BBX: variants seen among roughly 807,000 people sequenced by gnomAD.
BBX encodes the protein BBX high mobility group box domain containing.
In BBX, 30 loss-of-function variants were observed where a neutral mutation model predicts 100.2. The ratio of observed to expected loss-of-function variants is 0.30; its 90% CI spans 0.22 to 0.41. The LOEUF (loss-of-function observed/expected upper bound fraction) is 0.41. BBX is among the 10% of genes least tolerant of loss of function. The pLI, the probability that BBX is intolerant of heterozygous loss-of-function variation, is 1.00. For missense variants in BBX, 1,023 were observed against 1,129.8 expected, an observed-to-expected ratio of 0.91 and a Z score of 1.35; for synonymous variants, 376 against 388.1, an observed-to-expected ratio of 0.97 and a Z score of 0.37.
At chr3:107,564,635 G>C (rs893410599) in intron 2 of BBX, among the ~76,000 whole-genome samples, 1 of 152,066 alleles carries the variant, frequency 6.6e-6, no homozygotes, top group African/African-American at 2.4e-5. Context: ...TCTAGTGGGC[G>C]TTTTCTCTTA....
intron 3 of BBX, among the ~76,000 whole-genome samples, chr3:107,669,101 C>CGAT (rs752279294): frequency 2.6e-4 from 39 of 151,696 alleles, no homozygotes; most frequent in South Asian, 4.2e-4. Context: ...AAGAGGCTAG[C>CGAT]GATGATGATG....
At chr3:107,666,617 G>A (rs1041336044) in intron 3 of BBX, among the ~76,000 whole-genome samples, 19 of 152,322 alleles carry the variant, frequency 1.2e-4, no homozygotes, top group African/African-American at 4.3e-4. Flanking sequence ...GCAGACTGGA[G>A]TGCAGTGGCG....
At chr3:107,760,094 A>G (rs185484101) in intron 10 of BBX, among the ~76,000 whole-genome samples, 1 of 152,338 alleles carries the variant, frequency 6.6e-6, no homozygotes. Flanking sequence ...ACCAAAAGCT[A>G]TAGAAGTTAT....
intron 7 of BBX, among the ~76,000 whole-genome samples, chr3:107,734,471 TA>T (rs1253388762): frequency 6.6e-6 from 1 of 152,192 alleles, no homozygotes; most frequent in Non-Finnish European, 1.5e-5. Context: ...TGCTACCTCT[TA>T]ACAAATCAAA....
At position 107,645,506 on chromosome 3, in the gene BBX, C is replaced by T. The variant is rs528942103; in HGVS notation, c.-83-330C>T. Reference sequence around the variant, plus strand: ...GTGTCGATTTAACCCCATGTTTTTCCAGGGGATTTGCCTGTAATTCTACAC... The same window carrying T: ...GTGTCGATTTAACCCCATGTTTTTCTAGGGGATTTGCCTGTAATTCTACAC... On this transcript the variant is annotated intron_variant, in intron 2 of 17. Transcript: ENST00000325805. Among the ~76,000 whole-genome samples, 11 of 152,106 alleles carry T rather than the reference C, an allele frequency of 7.2e-5. No homozygotes were observed. The South Asian group carries it at 1.7e-3, about 23-fold the overall frequency.
intron 2 of BBX, among the ~76,000 whole-genome samples, chr3:107,617,119 G>A (rs528777405): frequency 3.3e-5 from 5 of 152,156 alleles, no homozygotes; most frequent in Admixed American, 6.5e-5. Context: ...AAGTCTACTC[G>A]CTGTAGCACA....
At chr3:107,766,196 A>G (rs1440012426) in intron 10 of BBX, among the ~76,000 whole-genome samples, 2 of 152,220 alleles carry the variant, frequency 1.3e-5, no homozygotes, top group Admixed American at 6.5e-5. Flanking sequence ...GTCTCTCCAC[A>G]CACATATACA....
At chr3:107,648,801 A>G (rs1319743821) in intron 3 of BBX, among the ~76,000 whole-genome samples, 1 of 152,242 alleles carries the variant, frequency 6.6e-6, no homozygotes, top group Admixed American at 6.5e-5. Flanking sequence ...ATCTCACAAT[A>G]TGAAAAAACA....
chr3:107,650,259 G>A (rs963812610), intron 3 of BBX, among the ~76,000 whole-genome samples: 2 of 152,066 alleles, frequency 1.3e-5, no homozygotes, highest in African/African-American at 2.4e-5. Flanking sequence ...GATCAGCAGC[G>A]GCATTAGATT....
chr3:107,763,374 T>G (rs2066076624), intron 10 of BBX, among the ~76,000 whole-genome samples: 1 of 152,206 alleles, frequency 6.6e-6, no homozygotes, highest in African/African-American at 2.4e-5. Context: ...GTACACCTAA[T>G]TTGTTATTTT....
chr3:107,740,118 C>A (rs574375460), intron 7 of BBX, among the ~76,000 whole-genome samples: 7 of 151,962 alleles, frequency 4.6e-5, no homozygotes, highest in Admixed American at 1.3e-4. Context: ...TTGGGTTATG[C>A]CCCCCGTGGC....
intron 10 of BBX, among the ~76,000 whole-genome samples, chr3:107,763,342 A>G (rs779358445): frequency 8.6e-5 from 13 of 151,194 alleles, no homozygotes; most frequent in Non-Finnish European, 1.8e-4. Context: ...CTCCTGCCTC[A>G]GCCTCCCTTA....
intron 9 of BBX, among the ~76,000 whole-genome samples, chr3:107,749,747 C>T (rs1412068851): frequency 6.6e-6 from 1 of 151,940 alleles, no homozygotes; most frequent in Non-Finnish European, 1.5e-5. Flanking sequence ...GATTCTCCTG[C>T]CTCAGCCTCC....
At chr3:107,749,635 CTTT>C (rs1236776971) in intron 9 of BBX, among the ~76,000 whole-genome samples, 4 of 141,624 alleles carry the variant, frequency 2.8e-5, no homozygotes, top group African/African-American at 7.7e-5. Flanking sequence ...TGTATGACCT[CTTT>C]TTTTTTTTTT....
rs117832766 is a variant in BBX, at chr3:107,703,788, A to G, written c.-9-6664A>G. Among the ~76,000 whole-genome samples, 3 of 152,336 alleles carry G rather than the reference A, an allele frequency of 2.0e-5. No individual in the cohort carries two copies. The East Asian group carries it at 5.8e-4, about 29-fold the overall frequency. The stretch of plus-strand genomic sequence containing the variant: ...GTCATTAGAATTACAAGAAATAATA[A>G]TGATTAGCACTTGTAGGGCTTTTAT... On this transcript the variant is annotated intron_variant, in intron 3 of 17. Transcript: ENST00000325805.
At chr3:107,765,466 T>C (rs2066310829) in intron 10 of BBX, among the ~76,000 whole-genome samples, 1 of 151,966 alleles carries the variant, frequency 6.6e-6, no homozygotes, top group Non-Finnish European at 1.5e-5. Flanking sequence ...TATGTGTGTG[T>C]GTGTGTGTAT....
chr3:107,721,784 T>C (rs758582349), intron 5 of BBX, among the ~76,000 whole-genome samples: 24 of 152,022 alleles, frequency 1.6e-4, no homozygotes, highest in Admixed American at 3.3e-4. Flanking sequence ...TCTCATACTG[T>C]TTTGAATTGC....
chr3:107,637,796 G>A (rs759976560), intron 2 of BBX, among the ~76,000 whole-genome samples: 27 of 152,300 alleles, frequency 1.8e-4, no homozygotes, highest in Middle Eastern at 3.4e-3. Context: ...CCTACTTGGC[G>A]TCAGCTATGG....
chr3:107,679,592 A>G (rs1025590175), intron 3 of BBX, among the ~76,000 whole-genome samples: 19 of 152,204 alleles, frequency 1.2e-4, no homozygotes, highest in Non-Finnish European at 5.9e-5. Context: ...GGCTAGCAAC[A>G]TTGAAAAGAT....
Sources: gnomAD v4.1 joint callset for allele counts (sites outside exome capture counted in the v4.1 genomes callset) on GRCh38, gnomAD v4.1.1 for gene constraint, MANE v1.5 for transcripts, NCBI Gene and HGNC (gene_info 2026-07-23, HGNC 2026-07-21) for gene names.